MLLT3: variants seen among roughly 807,000 people sequenced by gnomAD.
MLLT3 encodes protein AF-9.
MLLT3 carries 4 observed loss-of-function variants against 53.2 expected under a neutral mutation model. The ratio of observed to expected loss-of-function variants is 0.08; its 90% CI spans 0.04 to 0.17. The LOEUF is 0.17. MLLT3 is among the 10% of genes least tolerant of loss of function. The pLI is 1.00. For synonymous variants in MLLT3, 283 were observed against 230.6 expected, an observed-to-expected ratio of 1.23 and a Z score of -2.06; for missense variants, 569 against 684.0, an observed-to-expected ratio of 0.83 and a Z score of 1.87.
At chr9:20,427,854 T>C (rs755348632) in intron 4 of MLLT3, among the ~76,000 whole-genome samples, 2 of 152,058 alleles carry the variant, frequency 1.3e-5, no homozygotes, top group Admixed American at 6.6e-5. Context: ...TTATTTTATA[T>C]AATATAAAAT....
chr9:20,477,152 C>G (rs1298699280), intron 2 of MLLT3, among the ~76,000 whole-genome samples: 1 of 151,996 alleles, frequency 6.6e-6, no homozygotes, highest in Admixed American at 6.6e-5. Flanking sequence ...GACTTAGACC[C>G]TATTTGTTTT....
At chr9:20,350,045 A>T (rs960680523) in intron 10 of MLLT3, among the ~76,000 whole-genome samples, 5 of 152,228 alleles carry the variant, frequency 3.3e-5, no homozygotes, top group Non-Finnish European at 7.3e-5. Flanking sequence ...AAAGAAAAAT[A>T]AGTGTGCATT....
At chr9:20,438,347 T>C (rs543359881) in intron 4 of MLLT3, among the ~76,000 whole-genome samples, 3 of 152,344 alleles carry the variant, frequency 2.0e-5, no homozygotes, top group Admixed American at 1.3e-4. Flanking sequence ...GAAATTCAGC[T>C]ACACTATGCT....
intron 5 of MLLT3, among the ~76,000 whole-genome samples, chr9:20,381,086 G>C (rs1312256216): frequency 6.6e-6 from 1 of 151,874 alleles, no homozygotes; most frequent in Non-Finnish European, 1.5e-5. Context: ...AACTTATTAT[G>C]ATCAGCTTCT....
intron 2 of MLLT3, among the ~76,000 whole-genome samples, chr9:20,525,126 TAA>T (rs757232208): frequency 1.4e-4 from 8 of 56,134 alleles, no homozygotes; most frequent in East Asian, 5.5e-4. Context: ...GAAGAAAGAC[TAA>T]AAAAAAAAAA....
At position 20,448,087 on chromosome 9, in the gene MLLT3, T is replaced by G; in HGVS notation, c.420+36A>C. ...TTTTTTTTTTGTTGTTGTTGTTTTT[T>G]AATAGGAATGCTTTTCACAAGAGAG... On this transcript the variant is annotated intron_variant, in intron 4 of 10. Coordinates refer to ENST00000380338, the MANE Select transcript of MLLT3 (RefSeq NM_004529.4). The surrounding 1 kb of genome is among the most constrained non-coding windows in gnomAD (Gnocchi z 4.0). The G allele has an allele frequency of 6.3e-7, 1 of 1,578,912 alleles. No homozygotes were observed. The highest frequency in any genetic ancestry group is 1.4e-5 in the African/African-American group (1 of 72,830).
intron 4 of MLLT3, among the ~76,000 whole-genome samples, chr9:20,441,576 C>T (rs1823556357): frequency 6.6e-6 from 1 of 151,992 alleles, no homozygotes; most frequent in Admixed American, 6.6e-5. Context: ...AAGAAATAAC[C>T]ACACAAATGA....
chr9:20,426,569 T>C (rs73648212), intron 4 of MLLT3, among the ~76,000 whole-genome samples: 2,014 of 152,250 alleles, frequency 0.013, 48 homozygotes, highest in African/African-American at 0.045. Flanking sequence ...ATCAGGTTTA[T>C]GCTATCTTGT....
intron 2 of MLLT3, among the ~76,000 whole-genome samples, chr9:20,514,460 A>C (rs1159469170): frequency 6.6e-6 from 1 of 152,160 alleles, no homozygotes; most frequent in Non-Finnish European, 1.5e-5. Context: ...CAATGAGACT[A>C]ATATTCAACA....
chr9:20,360,300 G>C (rs1028534161), intron 8 of MLLT3, among the ~76,000 whole-genome samples: 1 of 152,092 alleles, frequency 6.6e-6, no homozygotes, highest in Admixed American at 6.5e-5. Context: ...AAAAGATAGT[G>C]TTAATGTCAT....
intron 3 of MLLT3, among the ~76,000 whole-genome samples, chr9:20,451,998 G>A (rs1823850066): frequency 6.6e-6 from 1 of 152,088 alleles, no homozygotes; most frequent in African/African-American, 2.4e-5. Context: ...TCTTGACCCT[G>A]ACAGCTCAAA....
intron 2 of MLLT3, among the ~76,000 whole-genome samples, chr9:20,608,610 A>T (rs935093392): frequency 6.6e-6 from 1 of 151,986 alleles, no homozygotes; most frequent in African/African-American, 2.4e-5. Context: ...TTGTGCAAAT[A>T]CTCATAGTAA....
At chr9:20,369,532 C>T (rs1821541013) in intron 5 of MLLT3, among the ~76,000 whole-genome samples, 1 of 152,124 alleles carries the variant, frequency 6.6e-6, no homozygotes, top group African/African-American at 2.4e-5. Flanking sequence ...GGGGGAGACA[C>T]CTTAAACTAA....
chr9:20,582,684 C>A (rs1449481124), intron 2 of MLLT3, among the ~76,000 whole-genome samples: 1 of 152,126 alleles, frequency 6.6e-6, no homozygotes, highest in Admixed American at 6.6e-5. Context: ...TCTTACATGG[C>A]AGCAGCAAGA....
At chr9:20,422,686 A>G (rs991923119) in intron 4 of MLLT3, among the ~76,000 whole-genome samples, 4 of 152,194 alleles carry the variant, frequency 2.6e-5, no homozygotes, top group African/African-American at 9.7e-5. Flanking sequence ...ATTTATTAGG[A>G]AAGACAGGCC....
At chr9:20,518,098 G>GGGAGGT (rs1467199788) in intron 2 of MLLT3, among the ~76,000 whole-genome samples, 3 of 152,276 alleles carry the variant, frequency 2.0e-5, no homozygotes, top group East Asian at 3.9e-4. Context: ...CTAGCACTTT[G>GGGAGGT]GGAGGTGGAG....
intron 8 of MLLT3, among the ~76,000 whole-genome samples, chr9:20,357,255 C>A (rs758430831): frequency 6.6e-6 from 1 of 152,186 alleles, no homozygotes; most frequent in Non-Finnish European, 1.5e-5. Flanking sequence ...TTCTCCCCTC[C>A]CTCCCTGCCA....
intron 5 of MLLT3, among the ~76,000 whole-genome samples, chr9:20,410,173 G>T (rs936344236): frequency 3.3e-5 from 5 of 152,060 alleles, no homozygotes; most frequent in Non-Finnish European, 5.9e-5. Flanking sequence ...AAACAAAGTG[G>T]CTTAGAGTAC....
rs1003646540 is a variant in MLLT3, at chr9:20,620,471, A to G, written c.193+183T>C. 3.3e-5 allele frequency among the ~76,000 whole-genome samples: 5 copies of G among 150,524 alleles called. No individual in the cohort carries two copies. The highest frequency in any genetic ancestry group is 5.9e-5 in the Non-Finnish European group (4 of 67,604). On this transcript the variant is annotated intron_variant, in intron 2 of 10. Transcript: ENST00000380338. This position sits in a 1 kb window ranked among gnomAD's most constrained non-coding sequence, Gnocchi z 6.1. The stretch of plus-strand genomic sequence containing the variant: ...TCTGCGGTGACTTTCACCAAGCCGA[A>G]GTGGCGCGCGCGCGGGCAGGCGGGA...
Sources: allele counts gnomAD v4.1 joint callset (sites outside exome capture counted in the v4.1 genomes callset), GRCh38; gene constraint gnomAD v4.1.1; non-coding constraint Gnocchi (gnomAD v3.1); transcripts MANE v1.5; gene names NCBI Gene and HGNC (gene_info 2026-07-23, HGNC 2026-07-21).